The following UBE2G1 variants were observed in gnomAD, a reference collection of about 807,000 sequenced individuals.
UBE2G1 encodes ubiquitin-conjugating enzyme E2 G1.
Under a neutral mutation model 22.7 loss-of-function variants are expected in UBE2G1, and 5 were observed. The observed-to-expected ratio is 0.22, with a 90% CI of 0.12 to 0.46. The LOEUF (loss-of-function observed/expected upper bound fraction) is 0.46. Among genes scored for constraint, UBE2G1 ranks in the 20% least tolerant of loss-of-function variants. The pLI is 0.99. For missense variants in UBE2G1, 88 were observed against 203.9 expected, an observed-to-expected ratio of 0.43 and a Z score of 3.46; for synonymous variants, 74 against 67.5, an observed-to-expected ratio of 1.10 and a Z score of -0.47.
intron 1 of UBE2G1, among the ~76,000 whole-genome samples, chr17:4,329,746 T>C (rs976350691): frequency 6.6e-6 from 1 of 152,154 alleles, no homozygotes; most frequent in African/African-American, 2.4e-5. Flanking sequence ...AACCAATTCA[T>C]AAACCATCTC....
In UBE2G1 at chr17:4,269,498, C is replaced by T. The variant is rs1192980645; in HGVS notation, c.*3056G>A. The T allele has an allele frequency of 1.6e-5, 3 of 185,652 alleles. No individual in the cohort carries two copies. The highest frequency in any genetic ancestry group is 7.2e-5 in the African/African-American group (3 of 41,560). The allele number at this position is 185,652 out of a possible 1,614,324, so 11.5% of individuals were successfully genotyped here. A position where few individuals can be genotyped will look rare whatever the true frequency, so the allele number is the denominator to read the frequency against. ...CAGACGGGCAAAGATACACAGGCAC[C>T]ACAGCCCAAAGCGGGCAGATTCGTC... On this transcript the variant is annotated 3_prime_UTR_variant, in exon 6 of 6. Transcript: ENST00000396981.
intron 1 of UBE2G1, among the ~76,000 whole-genome samples, chr17:4,329,031 G>A (rs1197395890): frequency 6.6e-6 from 1 of 150,936 alleles, no homozygotes; most frequent in Non-Finnish European, 1.5e-5. Flanking sequence ...GCGTGAACCC[G>A]GGAGGTGGAG....
intron 1 of UBE2G1, among the ~76,000 whole-genome samples, chr17:4,320,356 G>A (rs1234390416): frequency 6.6e-6 from 1 of 152,004 alleles, no homozygotes; most frequent in Admixed American, 6.6e-5. Context: ...TCAACTTTAG[G>A]ACTCTTTTAG....
chr17:4,349,829 C>T (rs985651583), intron 1 of UBE2G1, among the ~76,000 whole-genome samples: 1 of 141,380 alleles, frequency 7.1e-6, no homozygotes, highest in African/African-American at 2.9e-5. Flanking sequence ...GGCGACAGAG[C>T]GAGATTCCGT....
At chr17:4,363,415 T>G (rs1369203527) in intron 1 of UBE2G1, among the ~76,000 whole-genome samples, 2 of 152,180 alleles carry the variant, frequency 1.3e-5, no homozygotes, top group Non-Finnish European at 2.9e-5. Context: ...TATTTTAGTA[T>G]GCCCCATCAG....
chr17:4,357,277 G>A (rs558465274), intron 1 of UBE2G1, among the ~76,000 whole-genome samples: 2 of 152,166 alleles, frequency 1.3e-5, no homozygotes, highest in Admixed American at 6.6e-5. Flanking sequence ...GCCCCAGAGT[G>A]CAAGAGTAGT....
chr17:4,322,535 T>A (rs1410392967), intron 1 of UBE2G1, among the ~76,000 whole-genome samples: 2 of 152,228 alleles, frequency 1.3e-5, no homozygotes, highest in Non-Finnish European at 2.9e-5. Context: ...ATGTTGTGCA[T>A]GAAATATAAC....
chr17:4,361,959 CAAAAAAAAAA>C (rs35792021), intron 1 of UBE2G1, among the ~76,000 whole-genome samples: 2 of 69,096 alleles, frequency 2.9e-5, no homozygotes, highest in East Asian at 9.4e-4. Flanking sequence ...AAGACTGTCT[CAAAAAAAAAA>C]AAAAAAAAAA....
intron 2 of UBE2G1, among the ~76,000 whole-genome samples, chr17:4,300,977 C>T (rs1388849328): frequency 6.6e-6 from 1 of 151,718 alleles, no homozygotes; most frequent in African/African-American, 2.4e-5. Context: ...CCAGCAGTTT[C>T]ACATTTGAAA....
chr17:4,273,907 A>T (rs1671949931), intron 5 of UBE2G1, among the ~76,000 whole-genome samples: 1 of 152,184 alleles, frequency 6.6e-6, no homozygotes, highest in African/African-American at 2.4e-5. Context: ...AGCCAAATAT[A>T]CCTAAAGAGT....
chr17:4,357,640 T>C (rs925016900), intron 1 of UBE2G1, among the ~76,000 whole-genome samples: 1 of 151,998 alleles, frequency 6.6e-6, no homozygotes, highest in African/African-American at 2.4e-5. Context: ...ATATCCCTCA[T>C]GTCCCTAAAT....
chr17:4,321,794 T>C (rs1184024867), intron 1 of UBE2G1, among the ~76,000 whole-genome samples: 1 of 152,144 alleles, frequency 6.6e-6, no homozygotes, highest in Non-Finnish European at 1.5e-5. Context: ...CCAATGTTTG[T>C]TGCTATTACT....
At chr17:4,310,828 G>A (rs374820425) in intron 1 of UBE2G1, among the ~76,000 whole-genome samples, 2 of 152,092 alleles carry the variant, frequency 1.3e-5, no homozygotes, top group African/African-American at 2.4e-5. Flanking sequence ...TATAGTAGTC[G>A]AAACAATGAA....
At chr17:4,353,692 T>C (rs970414684) in intron 1 of UBE2G1, among the ~76,000 whole-genome samples, 1 of 152,024 alleles carries the variant, frequency 6.6e-6, no homozygotes, top group African/African-American at 2.4e-5. Context: ...TTTGTATTTT[T>C]AGTAGAGACG....
At chr17:4,340,082 T>C (rs928681500) in intron 1 of UBE2G1, among the ~76,000 whole-genome samples, 3 of 152,028 alleles carry the variant, frequency 2.0e-5, no homozygotes. Flanking sequence ...CAGGTGCATA[T>C]GGCTTTTTTT....
chr17:4,284,824 CTTTTCTTTTCTTTCTTTTTT>C (rs1968940249), intron 4 of UBE2G1, among the ~76,000 whole-genome samples: 12 of 85,610 alleles, frequency 1.4e-4, no homozygotes, highest in Admixed American at 5.6e-4. Flanking sequence ...TTTTTCTTTT[CTTTTCTTTTCTTTCTTTTTT>C]TTTTTTTTTT....
At chr17:4,353,607 G>T (rs902774731) in intron 1 of UBE2G1, among the ~76,000 whole-genome samples, 1 of 151,180 alleles carries the variant, frequency 6.6e-6, no homozygotes, top group Non-Finnish European at 1.5e-5. Context: ...TGAACACCTG[G>T]GTTCAAGCGA....
intron 5 of UBE2G1, among the ~76,000 whole-genome samples, chr17:4,272,915 G>A (rs1968777598): frequency 6.6e-6 from 1 of 152,146 alleles, no homozygotes; most frequent in Admixed American, 6.5e-5. Context: ...CATAAGAGAA[G>A]ATTTAAAAGC....
chr17:4,311,550 T>TA (rs1969310155), intron 1 of UBE2G1, among the ~76,000 whole-genome samples: 1 of 152,236 alleles, frequency 6.6e-6, no homozygotes, highest in Non-Finnish European at 1.5e-5. Context: ...AGTCACATGT[T>TA]ATATGACTTA....
Sources: gnomAD v4.1 joint callset for allele counts (sites outside exome capture counted in the v4.1 genomes callset) on GRCh38, gnomAD v4.1.1 for gene constraint, MANE v1.5 for transcripts, NCBI Gene and HGNC (gene_info 2026-07-23, HGNC 2026-07-21) for gene names.